The following FGGY variants were observed in gnomAD, a reference collection of about 807,000 sequenced individuals.
FGGY encodes the protein FGGY carbohydrate kinase domain containing.
In FGGY, 72 loss-of-function variants were observed where a neutral mutation model predicts 71.3. The ratio of observed to expected loss-of-function variants is 1.01; its 90% CI spans 0.84 to 1.23. FGGY has a LOEUF of 1.23. FGGY is among the 50% of genes most tolerant of loss of function. FGGY has a pLI of 0.00. For missense variants in FGGY, 668 were observed against 682.3 expected, an observed-to-expected ratio of 0.98 and a Z score of 0.23; for synonymous variants, 251 against 250.3, an observed-to-expected ratio of 1.00 and a Z score of -0.02.
chr1:59,297,600 A>C (rs2042132580), intron 1 of FGGY, among the ~76,000 whole-genome samples: 2 of 152,190 alleles, frequency 1.3e-5, no homozygotes, highest in African/African-American at 4.8e-5. Flanking sequence ...AGGCGGGTGG[A>C]TCACGAGGTC....
chr1:59,387,583 TA>T (rs1188316772), intron 5 of FGGY, among the ~76,000 whole-genome samples: 6 of 151,916 alleles, frequency 3.9e-5, no homozygotes, highest in Non-Finnish European at 7.4e-5. Flanking sequence ...GGTGAGAATT[TA>T]AAAAAAAATT....
intron 4 of FGGY, among the ~76,000 whole-genome samples, chr1:59,369,160 CAAAG>C (rs1433152602): frequency 6.6e-6 from 1 of 152,158 alleles, no homozygotes; most frequent in African/African-American, 2.4e-5. Context: ...CTTTCCTAGT[CAAAG>C]AAAGGGGTGA....
chr1:59,461,267 G>C (rs1300940374), intron 6 of FGGY, among the ~76,000 whole-genome samples: 1 of 152,194 alleles, frequency 6.6e-6, no homozygotes, highest in African/African-American at 2.4e-5. Flanking sequence ...AGAACTACGT[G>C]ACACATGCGC....
chr1:59,663,098 T>TC (rs2097292367), intron 12 of FGGY, among the ~76,000 whole-genome samples: 1 of 152,228 alleles, frequency 6.6e-6, no homozygotes, highest in African/African-American at 2.4e-5. Context: ...CAGTTACCTT[T>TC]CGTCAGACAC....
At chr1:59,467,712 A>G (rs573800744) in intron 6 of FGGY, among the ~76,000 whole-genome samples, 27 of 152,308 alleles carry the variant, frequency 1.8e-4, no homozygotes, top group Non-Finnish European at 3.5e-4. Flanking sequence ...AAATAATAAT[A>G]AAATGGATTT....
intron 15 of FGGY, among the ~76,000 whole-genome samples, chr1:59,759,114 T>C (rs938099323): frequency 3.3e-5 from 5 of 152,244 alleles, no homozygotes; most frequent in African/African-American, 1.2e-4. Flanking sequence ...TTTATAATTT[T>C]AGGGAAGTAT....
chr1:59,456,887 C>T (rs147713374), intron 5 of FGGY, 74 bp from the exon 6 acceptor site: 110 of 921,990 alleles, frequency 1.2e-4, no homozygotes, highest in African/African-American at 1.1e-3. Context: ...GATACCTGGA[C>T]GGGTATTTTG....
intron 2 of FGGY, among the ~76,000 whole-genome samples, chr1:59,330,778 G>A (rs931647204): frequency 6.6e-6 from 1 of 152,116 alleles, no homozygotes; most frequent in African/African-American, 2.4e-5. Flanking sequence ...ATAGGAAGAA[G>A]GAAAGGGAGG....
chr1:59,589,673 G>A (rs896142298), intron 8 of FGGY, among the ~76,000 whole-genome samples: 1 of 151,972 alleles, frequency 6.6e-6, no homozygotes, highest in East Asian at 1.9e-4. Context: ...TGAACAACCT[G>A]CTCCTGAATG....
intron 14 of FGGY, among the ~76,000 whole-genome samples, chr1:59,708,269 T>C (rs894430911): frequency 3.3e-5 from 5 of 152,186 alleles, no homozygotes; most frequent in East Asian, 1.9e-4. Context: ...ATTTTTTTTT[T>C]CCTCATCTGT....
At chr1:59,716,528 C>T (rs973723709) in intron 14 of FGGY, among the ~76,000 whole-genome samples, 3 of 152,138 alleles carry the variant, frequency 2.0e-5, no homozygotes, top group African/African-American at 7.2e-5. Context: ...TTGCTAGGAA[C>T]TTTTGGAACA....
chr1:59,373,934 C>A (rs1184989518), intron 4 of FGGY, among the ~76,000 whole-genome samples: 1 of 152,164 alleles, frequency 6.6e-6, no homozygotes, highest in South Asian at 2.1e-4. Context: ...AACGTTAGAC[C>A]TAAAACCATA....
At chr1:59,691,641 CT>C (rs774899362) in intron 14 of FGGY, among the ~76,000 whole-genome samples, 6,762 of 131,834 alleles carry the variant, frequency 0.051, 439 homozygotes, top group African/African-American at 0.17. Flanking sequence ...TTTTTCTTTT[CT>C]TTTTTTTTTT....
intron 14 of FGGY, among the ~76,000 whole-genome samples, chr1:59,679,929 G>A (rs970278678): frequency 2.0e-5 from 3 of 152,040 alleles, no homozygotes; most frequent in African/African-American, 7.2e-5. Context: ...CTAAATGTTT[G>A]CACACATCCT....
Position 59,657,297 on chromosome 1 carries a change from C to G in FGGY, c.1222-2922C>G, listed in dbSNP as rs74086283. Among the ~76,000 whole-genome samples the G allele has an allele frequency of 3.5e-3, 535 of 152,332 alleles. 4 individuals carry two copies. Among genetic ancestry groups the G allele is most frequent in the African/African-American group, 0.012 (510 of 41,572 alleles). On this transcript the variant is annotated intron_variant, in intron 11 of 15. Coordinates refer to ENST00000303721, the MANE Select transcript of FGGY (RefSeq NM_018291.5). ...GGAGTGGGTCAGCCACACAGAGGAT[C>G]ATGGCTTAATCCTCTTCCCATTGAT...
chr1:59,723,488 C>T lies in FGGY; in HGVS notation c.1513-34443C>T, dbSNP rs144580650. 1.2e-3 allele frequency among the ~76,000 whole-genome samples: 179 copies of T among 149,914 alleles called. 1 individual carries two copies. Among genetic ancestry groups the T allele is most frequent in the African/African-American group, 4.2e-3 (170 of 40,366 alleles). On this transcript the variant is annotated intron_variant, in intron 14 of 15. Transcript: ENST00000303721. ...AAATACCAGAATTGTTAACTCATACCATTGCAGAATACAACTTTATTAACT... is the reference window on the plus strand; with the variant it reads ...AAATACCAGAATTGTTAACTCATACTATTGCAGAATACAACTTTATTAACT...
intron 1 of FGGY, among the ~76,000 whole-genome samples, chr1:59,317,609 A>C (rs1482964075): frequency 1.3e-5 from 2 of 152,200 alleles, no homozygotes; most frequent in African/African-American, 4.8e-5. Context: ...ATAGAGGGGG[A>C]AGAGCAGGGG....
intron 11 of FGGY, among the ~76,000 whole-genome samples, chr1:59,649,812 C>A (rs1325398889): frequency 7.0e-6 from 1 of 142,226 alleles, no homozygotes; most frequent in Non-Finnish European, 1.5e-5. Context: ...TGAGAGAGGG[C>A]ATCCCTGTCT....
At chr1:59,398,197 C>T (rs1312295384) in intron 5 of FGGY, among the ~76,000 whole-genome samples, 5 of 152,010 alleles carry the variant, frequency 3.3e-5, no homozygotes, top group African/African-American at 1.2e-4. Flanking sequence ...TCTCCAGCTA[C>T]AGTCAATTTT....
Sources: gnomAD v4.1 joint callset for allele counts (sites outside exome capture counted in the v4.1 genomes callset) on GRCh38, gnomAD v4.1.1 for gene constraint, MANE v1.5 for transcripts, NCBI Gene and HGNC (gene_info 2026-07-23, HGNC 2026-07-21) for gene names.